Variants in GNB4 observed in about 807,000 individuals in gnomAD.
GNB4 encodes G protein subunit beta 4, also known as guanine nucleotide-binding protein subunit beta-4.
Under a neutral mutation model 45.2 loss-of-function variants are expected in GNB4, and 28 were observed. That is an observed-to-expected ratio of 0.62 (90% CI 0.46 to 0.85). The LOEUF (loss-of-function observed/expected upper bound fraction) is 0.85, where lower values mean the gene tolerates loss of function less well. Ranked by LOEUF, GNB4 falls within the 40% of genes least tolerant of loss-of-function variation. GNB4 has a pLI of 0.00. For missense variants in GNB4, 321 were observed against 425.4 expected (o/e 0.75, Z 2.16); for synonymous variants, 132 against 143.7 (o/e 0.92, Z 0.58).
intron 1 of GNB4, among the ~76,000 whole-genome samples, chr3:179,431,194 G>A (rs1195295046): frequency 6.6e-6 from 1 of 152,026 alleles, no homozygotes; most frequent in African/African-American, 2.4e-5. Flanking sequence ...TATGTCTCTT[G>A]TCCCACCATC....
At chr3:179,425,560 T>G (rs1715118337) in intron 2 of GNB4, among the ~76,000 whole-genome samples, 1 of 152,174 alleles carries the variant, frequency 6.6e-6, no homozygotes, top group Non-Finnish European at 1.5e-5. Context: ...AACCTCCGTC[T>G]CCAGGGATCA....
Position 179,413,540 on chromosome 3 carries a change from A to T in GNB4, c.571T>A (p.Ser191Thr). The change falls in exon 8 of 10, where the codon TCT becomes ACT. Residue 191 changes from serine (S) to threonine (T), a missense_variant. By Grantham distance (58) the Ser-to-Thr change is moderately conservative. Transcript: ENST00000232564. ...AAAGTCCTCATGTCAGGACTCAAAGAAAGACTCATCACATCTCCAGAATGC... is the reference window on the plus strand; with the variant it reads ...AAAGTCCTCATGTCAGGACTCAAAGTAAGACTCATCACATCTCCAGAATGC... ...TGHSGDVMSLSLSPDMRTFVS... is the reference protein window; with the variant it reads ...TGHSGDVMSLTLSPDMRTFVS... 3 of 1,614,190 alleles carry T rather than the reference A, an allele frequency of 1.9e-6. No homozygotes were observed. The highest frequency in any genetic ancestry group is 2.5e-6 in the Non-Finnish European group (3 of 1,180,036).
In GNB4 at chr3:179,441,936, T is replaced by G. The variant is rs561563512; in HGVS notation, c.-43+9410A>C. The stretch of plus-strand genomic sequence containing the variant: ...AATTCTCCTGCCTCAGCCTTCCGAG[T>G]AGCTGAGATTACAGGTGCCCGCCAC... On this transcript the variant is annotated intron_variant, in intron 1 of 9. Coordinates refer to ENST00000232564, the MANE Select transcript of GNB4 (RefSeq NM_021629.4). Among the ~76,000 whole-genome samples, 419 of 151,916 alleles carry G rather than the reference T, an allele frequency of 2.8e-3. 5 individuals carry two copies. Among genetic ancestry groups the G allele is most frequent in the African/African-American group, 1.0e-2 (413 of 41,450 alleles).
the GNB4 span, among the ~76,000 whole-genome samples, chr3:179,520,945 A>AT: frequency 6.6e-6 from 1 of 152,030 alleles, no homozygotes; most frequent in East Asian, 1.9e-4. Context: ...TTTCCTTTCC[A>AT]TCGTGGAAAT....
chr3:179,502,302 C>T, the GNB4 span, among the ~76,000 whole-genome samples: 4 of 139,306 alleles, frequency 2.9e-5, no homozygotes, highest in East Asian at 6.4e-4. Flanking sequence ...GTCACCATCT[C>T]GGCTCACTGC....
chr3:179,499,641 G>A, the GNB4 span, among the ~76,000 whole-genome samples: 3,903 of 152,242 alleles, frequency 0.026, 165 homozygotes, highest in African/African-American at 0.09. Flanking sequence ...GGTATTTCTA[G>A]TTCTAGATCC....
At chr3:179,459,744 C>G in the GNB4 span, among the ~76,000 whole-genome samples, 1 of 151,890 alleles carries the variant, frequency 6.6e-6, no homozygotes, top group Admixed American at 6.6e-5. Context: ...AACAGCTCCA[C>G]AACTGCTTTC....
chr3:179,494,814 A>G, the GNB4 span, among the ~76,000 whole-genome samples: 1 of 148,140 alleles, frequency 6.8e-6, no homozygotes, highest in Non-Finnish European at 1.5e-5. Flanking sequence ...AGGCTGAGGC[A>G]GGAGAATGGC....
the GNB4 span, among the ~76,000 whole-genome samples, chr3:179,474,773 A>T: frequency 7.6e-5 from 2 of 26,302 alleles, no homozygotes; most frequent in African/African-American, 1.5e-4. Flanking sequence ...CTTTTTTTAG[A>T]CAGGTTCTCA....
the GNB4 span, among the ~76,000 whole-genome samples, chr3:179,465,754 A>G: frequency 1.3e-5 from 2 of 150,862 alleles, no homozygotes; most frequent in Non-Finnish European, 3.0e-5. Context: ...ATATTCCTAT[A>G]TTCAGTAACA....
chr3:179,419,097 G>A (rs1714899955), intron 4 of GNB4, among the ~76,000 whole-genome samples: 1 of 152,180 alleles, frequency 6.6e-6, no homozygotes, highest in South Asian at 2.1e-4. Context: ...GAAATTTCAA[G>A]CTTCATATAC....
At chr3:179,518,302 T>C in the GNB4 span, among the ~76,000 whole-genome samples, 1 of 152,158 alleles carries the variant, frequency 6.6e-6, no homozygotes, top group Admixed American at 6.5e-5. Context: ...ATTCCTGTCA[T>C]AAAATGGACA....
At chr3:179,456,107 CTTT>C (rs10603569), upstream of GNB4, among the ~76,000 whole-genome samples, 196 of 122,614 alleles carry the variant, frequency 1.6e-3, 1 homozygote, top group South Asian at 0.014. Context: ...GGGACATAGA[CTTT>C]TTTTTTTTTT....
chr3:179,446,121 A>C (rs1318935812), intron 1 of GNB4, among the ~76,000 whole-genome samples: 1 of 152,216 alleles, frequency 6.6e-6, no homozygotes, highest in Non-Finnish European at 1.5e-5. Flanking sequence ...AGGAACACAC[A>C]CTGTGAACTT....
chr3:179,419,757 G>A (rs894046030), intron 3 of GNB4, among the ~76,000 whole-genome samples: 3 of 152,034 alleles, frequency 2.0e-5, no homozygotes, highest in Admixed American at 6.6e-5. Context: ...GCCTTCTGCA[G>A]ACTATTAACT....
chr3:179,420,778 C>T, intron 3 of GNB4, 111 bp downstream of exon 3: 1 of 726,998 alleles, frequency 1.4e-6, no homozygotes, highest in South Asian at 1.6e-5. Flanking sequence ...ACAGAGATTT[C>T]ATTTAACTTT....
the GNB4 span, among the ~76,000 whole-genome samples, chr3:179,470,148 A>C: frequency 6.6e-6 from 1 of 152,236 alleles, no homozygotes; most frequent in Non-Finnish European, 1.5e-5. Flanking sequence ...CAATGATAAT[A>C]AGCAACTTTG....
At chr3:179,497,066 G>T in the GNB4 span, among the ~76,000 whole-genome samples, 1 of 151,976 alleles carries the variant, frequency 6.6e-6, no homozygotes, top group Non-Finnish European at 1.5e-5. Flanking sequence ...TGCTTGAATT[G>T]TAAAGTGAGG....
At chr3:179,426,354 G>A in intron 1 of GNB4, 112 bp from the exon 2 acceptor site, 1 of 566,448 alleles carries the variant, frequency 1.8e-6, no homozygotes, top group Non-Finnish European at 3.0e-6. Context: ...TTCAATGGAG[G>A]TAGTCAATTA....
Sources: gnomAD v4.1 joint callset for allele counts (sites outside exome capture counted in the v4.1 genomes callset) on GRCh38, gnomAD v4.1.1 for gene constraint, MANE v1.5 for transcripts, NCBI Gene and HGNC (gene_info 2026-07-23, HGNC 2026-07-21) for gene names.